HSPA5: variants seen among roughly 807,000 people sequenced by gnomAD.
HSPA5 encodes heat shock protein family A (Hsp70) member 5.
Under a neutral mutation model 49.5 loss-of-function variants are expected in HSPA5, and 16 were observed. The observed-to-expected ratio is 0.32, with a 90% CI of 0.22 to 0.49. The LOEUF is 0.49. Among genes scored for constraint, HSPA5 ranks in the 20% least tolerant of loss-of-function variants. The pLI is 0.99. For missense variants in HSPA5, 376 were observed against 819.0 expected (o/e 0.46, Z 6.60); for synonymous variants, 271 against 307.2 (o/e 0.88, Z 1.23).
In HSPA5 at chr9:125,235,711, G is replaced by C. The variant is rs1206007183; in HGVS notation, c.*881C>G. On this transcript the variant is annotated 3_prime_UTR_variant, in exon 8 of 8. Coordinates refer to ENST00000324460, the MANE Select transcript of HSPA5 (RefSeq NM_005347.5). Reference sequence around the variant, plus strand: ...GGGATGGAGATTCTGACACAGCTAGGGTTCACAATATACCTTTACATCCTA... The same window carrying C: ...GGGATGGAGATTCTGACACAGCTAGCGTTCACAATATACCTTTACATCCTA... The C allele has an allele frequency of 6.6e-6, 1 of 151,852 alleles. No individual in the cohort carries two copies. Among genetic ancestry groups the C allele is most frequent in the Non-Finnish European group, 1.5e-5 (1 of 68,000 alleles). The allele number at this position is 151,852 out of a possible 1,614,324, so 9.4% of individuals were successfully genotyped here.
In HSPA5 at chr9:125,235,159, T is replaced by C. The variant is rs1358570968; in HGVS notation, c.*1433A>G. 6.6e-6 allele frequency: 1 copy of C among 152,102 alleles called. No individual in the cohort carries two copies. The highest frequency in any genetic ancestry group is 1.5e-5 in the Non-Finnish European group (1 of 68,030). 9.4% of individuals were successfully genotyped at this position (152,102 alleles called of 1,614,324 possible). A position where few individuals can be genotyped will look rare whatever the true frequency, so the allele number is the denominator to read the frequency against. On this transcript the variant is annotated 3_prime_UTR_variant, in exon 8 of 8. Transcript: ENST00000324460. The stretch of plus-strand genomic sequence containing the variant: ...TCTACTAGCCCTAGAGAATTAACCT[T>C]TCAGCCAGTTGCCCATCTATAAAAT...
In HSPA5 at chr9:125,240,698, TC is replaced by T; in HGVS notation, c.331del (p.Asp111ThrfsTer43). 6.2e-7 allele frequency: 1 copy of T among 1,613,626 alleles called. No homozygotes were observed. Among genetic ancestry groups the T allele is most frequent in the Non-Finnish European group, 8.5e-7 (1 of 1,179,610 alleles). Reference sequence around the variant, plus strand: ...AACCTTGAACGGCAAGAACTTGATGTCCTGCTGCACAGACGGGTCATTCCAC... The same window carrying T: ...AACCTTGAACGGCAAGAACTTGATGTCTGCTGCACAGACGGGTCATTCCAC... ...RTWNDPSVQQ[D>X]IKFLPFKVVE... On this transcript the variant is annotated frameshift_variant, in exon 2 of 8. Transcript: ENST00000324460. LOFTEE classifies it high-confidence loss of function. The surrounding 1 kb of genome is among the most constrained non-coding windows in gnomAD (Gnocchi z 4.4).
intron 6 of HSPA5, 58 bp from the exon 7 acceptor site, chr9:125,238,366 T>A (rs1457146248): frequency 6.9e-7 from 1 of 1,455,564 alleles, no homozygotes. Flanking sequence ...CTATGTAAAG[T>A]TTATCTCTCT....
chr9:125,239,066 C>T lies in HSPA5; in HGVS notation c.871G>A (p.Glu291Lys), dbSNP rs772745555. 6.2e-7 allele frequency: 1 copy of T among 1,614,186 alleles called. No individual in the cohort carries two copies. Among genetic ancestry groups the T allele is most frequent in the Non-Finnish European group, 8.5e-7 (1 of 1,180,050 alleles). ...AGGGCCCGTTTGGCCTTTTCTACCTCGCGCCGGAGTTTCTGCACAGCTCTA... is the reference window on the plus strand; with the variant it reads ...AGGGCCCGTTTGGCCTTTTCTACCTTGCGCCGGAGTTTCTGCACAGCTCTA... ...DNRAVQKLRR[E>K]VEKAKRALSS... The change falls in exon 5 of 8, where the codon GAG becomes AAG. Residue 291 changes from glutamate to lysine, a missense_variant. Glu to Lys is a moderately conservative substitution (Grantham distance 56). Transcript: ENST00000324460. This position sits in a 1 kb window ranked among gnomAD's most constrained non-coding sequence, Gnocchi z 5.5.
intron 5 of HSPA5, 31 bp downstream of exon 5, chr9:125,238,910 T>G: frequency 6.2e-7 from 1 of 1,602,532 alleles, no homozygotes; most frequent in Non-Finnish European, 8.5e-7. Context: ...TAAGGAGATC[T>G]CATTAGCAAA....
Position 125,235,730 on chromosome 9 carries a change from C to T in HSPA5, c.*862G>A, listed in dbSNP as rs748180899. On this transcript the variant is annotated 3_prime_UTR_variant, in exon 8 of 8. Coordinates refer to ENST00000324460, the MANE Select transcript of HSPA5 (RefSeq NM_005347.5). Reference sequence around the variant, plus strand: ...AGCTAGGGTTCACAATATACCTTTACATCCTAAAGTTACAAATGAAATCCA... The same window carrying T: ...AGCTAGGGTTCACAATATACCTTTATATCCTAAAGTTACAAATGAAATCCA... The T allele has an allele frequency of 4.6e-5, 7 of 152,060 alleles. No individual in the cohort carries two copies. Among genetic ancestry groups the T allele is most frequent in the African/African-American group, 9.7e-5 (4 of 41,418 alleles). The allele number at this position is 152,060 out of a possible 1,614,324, so 9.4% of individuals were successfully genotyped here.
rs1292687008 is a variant in HSPA5, at chr9:125,236,434, A to T, written c.*158T>A. ...CCCAAAGACATGTGAGCAACTGCTA[A>T]TGAAAAGCAGTAAACAGCCGCTTAG... On this transcript the variant is annotated 3_prime_UTR_variant, in exon 8 of 8. Coordinates refer to ENST00000324460, the MANE Select transcript of HSPA5 (RefSeq NM_005347.5). 3.7e-6 allele frequency: 2 copies of T among 541,598 alleles called. No homozygotes were observed. Among genetic ancestry groups the T allele is most frequent in the African/African-American group, 3.9e-5 (2 of 50,814 alleles). The allele number at this position is 541,598 out of a possible 1,614,324, so 33.5% of individuals were successfully genotyped here.
Position 125,238,725 on chromosome 9 carries a change from G to A in HSPA5, c.1099C>T (p.Arg367Ter). ...DEIVLVGGSTRIPKIQQLVKE... is the reference protein window; with the variant it reads ...DEIVLVGGST ...ACCAGTTGCTGAATCTTTGGAATTC[G>A]AGTCGAGCCACCAACAAGAACAATT... The change falls in exon 6 of 8, where the codon CGA (arginine) becomes TGA (stop). Residue 367 changes from arginine to a stop codon, truncating the protein, a stop_gained. Transcript: ENST00000324460. LOFTEE classifies it high-confidence loss of function. 2 of 1,614,054 alleles carry A rather than the reference G, an allele frequency of 1.2e-6. No homozygotes were observed. The highest frequency in any genetic ancestry group is 1.7e-6 in the Non-Finnish European group (2 of 1,180,004).
rs1027218206 is a variant in HSPA5 at position 125,241,233 on chromosome 9, G to T, written c.-107C>A. ...CGGCAGGGGCCCGGGGTCACAAGGCGCCACGAACCAGGCGAAGGGCAGGTC... is the reference window on the plus strand; with the variant it reads ...CGGCAGGGGCCCGGGGTCACAAGGCTCCACGAACCAGGCGAAGGGCAGGTC... On this transcript the variant is annotated 5_prime_UTR_variant, in exon 1 of 8. Coordinates refer to ENST00000324460, the MANE Select transcript of HSPA5 (RefSeq NM_005347.5). 2.9e-6 allele frequency: 4 copies of T among 1,372,218 alleles called. No individual in the cohort carries two copies. Among genetic ancestry groups the T allele is most frequent in the Non-Finnish European group, 3.0e-6 (3 of 1,011,944 alleles). The allele number at this position is 1,372,218 out of a possible 1,614,324, so 85.0% of individuals were successfully genotyped here.
Position 125,239,492 on chromosome 9 carries a change from A to G in HSPA5, c.534T>C (p.Asp178=). The change falls in exon 4 of 8, where the codon GAT becomes GAC. Residue 178 remains aspartate (D), a synonymous_variant. Coordinates refer to ENST00000324460, the MANE Select transcript of HSPA5 (RefSeq NM_005347.5). The surrounding 1 kb of genome is among the most constrained non-coding windows in gnomAD (Gnocchi z 5.5). ...CGTCTTTGGTTGCTTGGCGTTGGGC[A>G]TCATTAAAATAGGCTGGTACAGTAA... is the stretch of plus-strand genomic sequence containing the variant. The part of the protein sequence containing the change: ...AVVTVPAYFN[D]AQRQATKDAG... 1.2e-6 allele frequency: 2 copies of G among 1,614,148 alleles called. No homozygotes were observed. Among genetic ancestry groups the G allele is most frequent in the South Asian group, 2.2e-5 (2 of 91,082 alleles).
At position 125,238,760 on chromosome 9, in the gene HSPA5, T is replaced by C; in HGVS notation, c.1064A>G (p.Asp355Gly). ...ACCAACAAGAACAATTTCATCAATA[T>C]CAGACTTCTTCAAATCAGAATCTTC... ...VLEDSDLKKSDIDEIVLVGGS... is the reference protein window; with the variant it reads ...VLEDSDLKKSGIDEIVLVGGS... The change falls in exon 6 of 8, where the codon GAT (aspartate) becomes GGT (glycine). Residue 355 changes from aspartate to glycine, a missense_variant. Around this residue, in one of 8 missense-constraint regions of HSPA5, gnomAD observed 89 missense variants for 155.9 expected, o/e 0.57. Transcript: ENST00000324460. The C allele has an allele frequency of 6.2e-7, 1 of 1,614,186 alleles. No homozygotes were observed. Among genetic ancestry groups the C allele is most frequent in the Non-Finnish European group, 8.5e-7 (1 of 1,180,038 alleles).
At position 125,239,780 on chromosome 9, in the gene HSPA5, T is replaced by C. The variant is rs1832541377; in HGVS notation, c.493-247A>G. On this transcript the variant is annotated intron_variant, in intron 3 of 7. Transcript: ENST00000324460. This position sits in a 1 kb window ranked among gnomAD's most constrained non-coding sequence, Gnocchi z 5.5. ...TGGTGTGCCTGTAGTTCCAGTTACT[T>C]GGGAGGCTGAGGCAGGAGAGCTGCT... Among the ~76,000 whole-genome samples, 2 of 151,118 alleles carry C rather than the reference T, an allele frequency of 1.3e-5. No individual in the cohort carries two copies. Among genetic ancestry groups the C allele is most frequent in the South Asian group, 4.2e-4 (2 of 4,774 alleles).
At position 125,240,725 on chromosome 9, in the gene HSPA5, G is replaced by T; in HGVS notation, c.305C>A (p.Thr102Lys). 2 of 1,614,154 alleles carry T rather than the reference G, an allele frequency of 1.2e-6. No individual in the cohort carries two copies. The highest frequency in any genetic ancestry group is 1.7e-6 in the Non-Finnish European group (2 of 1,180,016). The change falls in exon 2 of 8, where the codon ACG becomes AAG. Residue 102 changes from threonine to lysine, a missense_variant. Physicochemically the swap from Thr to Lys is moderately conservative, Grantham distance 78. Coordinates refer to ENST00000324460, the MANE Select transcript of HSPA5 (RefSeq NM_005347.5). The surrounding 1 kb of genome is among the most constrained non-coding windows in gnomAD (Gnocchi z 4.4). ...VFDAKRLIGR[T>K]WNDPSVQQDI... ...CTGCTGCACAGACGGGTCATTCCAC[G>T]TGCGGCCGATGAGCCGCTTGGCGTC...
rs1273235568 is a variant in HSPA5, at chr9:125,240,077, A to AT, written c.492+94dup. The AT allele has an allele frequency of 1.1e-6, 1 of 951,510 alleles. No individual in the cohort carries two copies. Among genetic ancestry groups the AT allele is most frequent in the African/African-American group, 1.6e-5 (1 of 61,072 alleles). The allele number at this position is 951,510 out of a possible 1,614,324, so 58.9% of individuals were successfully genotyped here. On this transcript the variant is annotated intron_variant, in intron 3 of 7. Transcript: ENST00000324460. This position sits in a 1 kb window ranked among gnomAD's most constrained non-coding sequence, Gnocchi z 4.4. ...AAGCATGAATACCATTCTGATTAAA[A>AT]TTTTTGAAACCCTTCACGAAGGCTT...
At position 125,237,219 on chromosome 9, in the gene HSPA5, C is replaced by T. The variant is rs549617499; in HGVS notation, c.1403-65G>A. On this transcript the variant is annotated intron_variant, in intron 7 of 7. Transcript: ENST00000324460. ...ACAAGCATTAGCACATCTAGATCCCCGCATTTCAGTCTGAAGCATAAAGTG... is the reference window on the plus strand; with the variant it reads ...ACAAGCATTAGCACATCTAGATCCCTGCATTTCAGTCTGAAGCATAAAGTG... 29 of 1,164,798 alleles carry T rather than the reference C, an allele frequency of 2.5e-5. No individual in the cohort carries two copies. In the South Asian group the frequency reaches 3.4e-4, roughly 14 times the overall value. The allele number at this position is 1,164,798 out of a possible 1,614,324, so 72.2% of individuals were successfully genotyped here.
Position 125,240,763 on chromosome 9 carries a change from C to A in HSPA5, c.267G>T (p.Glu89Asp), listed in dbSNP as rs754529165. 1 of 1,614,234 alleles carries A rather than the reference C, an allele frequency of 6.2e-7. No homozygotes were observed. Among genetic ancestry groups the A allele is most frequent in the South Asian group, 1.1e-5 (1 of 91,084 alleles). Residue 89 changes from glutamate (E) to aspartate (D), a missense_variant, in exon 2 of 8, where the codon GAG becomes GAT. Around this residue, in one of 8 missense-constraint regions of HSPA5, gnomAD observed 89 missense variants for 200.0 expected, o/e 0.44. Coordinates refer to ENST00000324460, the MANE Select transcript of HSPA5 (RefSeq NM_005347.5). The surrounding 1 kb of genome is among the most constrained non-coding windows in gnomAD (Gnocchi z 4.4). The stretch of plus-strand genomic sequence containing the variant: ...GCCGCTTGGCGTCAAAGACCGTGTT[C>A]TCGGGGTTGGAGGTGAGCTGGTTCT... ...AAKNQLTSNP[E>D]NTVFDAKRLI... is the part of the protein sequence containing the mutation.
Position 125,236,854 on chromosome 9 carries a change from T to A in HSPA5, c.1703A>T (p.Tyr568Phe). The change falls in exon 8 of 8, where the codon TAT (tyrosine) becomes TTT (phenylalanine). Residue 568 changes from tyrosine to phenylalanine, a missense_variant. This residue lies in a region of HSPA5 where 71 missense variants were observed against 169.9 expected (regional missense o/e 0.42). Transcript: ENST00000324460. The stretch of plus-strand genomic sequence containing the variant: ...AATCTGATTCTTTAGAGAATAGGCA[T>A]AGCTTTCCAACTCATTTCTAGTATC... ...RIDTRNELES[Y>F]AYSLKNQIGD... 3 of 1,614,010 alleles carry A rather than the reference T, an allele frequency of 1.9e-6. No homozygotes were observed. The highest frequency in any genetic ancestry group is 2.5e-6 in the Non-Finnish European group (3 of 1,179,876).
In HSPA5 at chr9:125,237,116, T is replaced by C; in HGVS notation, c.1441A>G (p.Thr481Ala). 1 of 1,611,122 alleles carries C rather than the reference T, an allele frequency of 6.2e-7. No individual in the cohort carries two copies. Among genetic ancestry groups the C allele is most frequent in the Non-Finnish European group, 8.5e-7 (1 of 1,178,332 alleles). The change falls in exon 8 of 8, where the codon ACA becomes GCA. Residue 481 changes from threonine to alanine, a missense_variant. Thr to Ala is a moderately conservative substitution (Grantham distance 58). Transcript: ENST00000324460. The stretch of plus-strand genomic sequence containing the variant: ...GGAGGAATTCCAGTCAGATCAAATG[T>C]ACCCAGAAGATGATTGTCTTTTGTC... ...PLTKDNHLLG[T>A]FDLTGIPPAP...
At position 125,240,894 on chromosome 9, in the gene HSPA5, T is replaced by A. The variant is rs1355193954; in HGVS notation, c.136A>T (p.Lys46Ter). 2 of 1,614,102 alleles carry A rather than the reference T, an allele frequency of 1.2e-6. No individual in the cohort carries two copies. Among genetic ancestry groups the A allele is most frequent in the Non-Finnish European group, 1.7e-6 (2 of 1,179,936 alleles). The change falls in exon 2 of 8, where the codon AAG becomes TAG. Residue 46 changes from lysine to a stop codon, truncating the protein, a stop_gained. Coordinates refer to ENST00000324460, the MANE Select transcript of HSPA5 (RefSeq NM_005347.5). LOFTEE classifies it high-confidence loss of function. This position sits in a 1 kb window ranked among gnomAD's most constrained non-coding sequence, Gnocchi z 4.4. ...GCGATGATCTCCACGCGGCCGTTCT[T>A]GAACACGCCGACGCTGGCAGAAAAA... The part of the protein sequence containing the change: ...GTTYSCVGVF[K>*]NGRVEIIAND...
Sources: gnomAD v4.1 joint callset for allele counts (sites outside exome capture counted in the v4.1 genomes callset) on GRCh38, gnomAD v4.1.1 for gene constraint, gnomAD v4.1.1 regional missense constraint, Gnocchi (gnomAD v3.1) non-coding constraint, MANE v1.5 for transcripts, NCBI Gene and HGNC (gene_info 2026-07-23, HGNC 2026-07-21) for gene names.